OPCML: variants seen among roughly 807,000 people sequenced by gnomAD.
The protein encoded by OPCML is opioid binding protein/cell adhesion molecule like.
OPCML carries 13 observed loss-of-function variants against 37.8 expected under a neutral mutation model. The ratio of observed to expected loss-of-function variants is 0.34; its 90% CI spans 0.22 to 0.55. OPCML has a LOEUF of 0.55. Among genes scored for constraint, OPCML ranks in the 20% least tolerant of loss-of-function variants. OPCML has a pLI of 0.91. For synonymous variants in OPCML, 176 were observed against 168.8 expected, an observed-to-expected ratio of 1.04 and a Z score of -0.33; for missense variants, 341 against 435.6, an observed-to-expected ratio of 0.78 and a Z score of 1.93.
chr11:133,247,072 C>T (rs1940949525), intron 1 of OPCML, among the ~76,000 whole-genome samples: 1 of 152,140 alleles, frequency 6.6e-6, no homozygotes, highest in Admixed American at 6.5e-5. Flanking sequence ...TAAAGTATCC[C>T]TGTCTAGAAA....
chr11:133,241,747 G>A (rs144413612), intron 1 of OPCML, among the ~76,000 whole-genome samples: 2,035 of 152,204 alleles, frequency 0.013, 58 homozygotes, highest in African/African-American at 0.046. Flanking sequence ...ACTCCCCGCC[G>A]CCATCAGGAA....
chr11:133,075,852 A>G (rs973491208), intron 1 of OPCML, among the ~76,000 whole-genome samples: 8 of 152,344 alleles, frequency 5.3e-5, no homozygotes, highest in Non-Finnish European at 7.3e-5. Flanking sequence ...GGAAACAAGA[A>G]GGAATCTGCA....
At chr11:133,454,111 A>G (rs1946629950) in intron 1 of OPCML, among the ~76,000 whole-genome samples, 1 of 152,212 alleles carries the variant, frequency 6.6e-6, no homozygotes, top group African/African-American at 2.4e-5. Flanking sequence ...AATTCATATC[A>G]GAAGGACCAA....
intron 3 of OPCML, among the ~76,000 whole-genome samples, chr11:132,564,179 C>A (rs1483589293): frequency 6.6e-6 from 1 of 152,206 alleles, no homozygotes; most frequent in Non-Finnish European, 1.5e-5. Context: ...GTCACCCTGG[C>A]CATTGTGGCC....
chr11:132,784,960 T>C (rs1323918722), intron 2 of OPCML, among the ~76,000 whole-genome samples: 1 of 152,186 alleles, frequency 6.6e-6, no homozygotes, highest in Non-Finnish European at 1.5e-5. Context: ...AAGTATTTCT[T>C]CATAACAATG....
intron 2 of OPCML, among the ~76,000 whole-genome samples, chr11:132,662,265 C>T (rs1164456392): frequency 6.6e-6 from 1 of 152,162 alleles, no homozygotes; most frequent in Non-Finnish European, 1.5e-5. Flanking sequence ...CTGGGGACTC[C>T]TCCTGGAGAA....
chr11:132,783,273 G>A (rs1403290202), intron 2 of OPCML, among the ~76,000 whole-genome samples: 1 of 152,038 alleles, frequency 6.6e-6, no homozygotes, highest in East Asian at 1.9e-4. Flanking sequence ...GGCCTTATTT[G>A]CCTTCATGAC....
intron 2 of OPCML, among the ~76,000 whole-genome samples, chr11:132,763,094 G>A (rs537163806): frequency 2.4e-4 from 37 of 152,162 alleles, no homozygotes; most frequent in African/African-American, 7.0e-4. Context: ...TGTGCTTCCC[G>A]GGTGAGGCGA....
rs546031889 is a variant in OPCML, at chr11:133,431,809, A to AAT, written c.61+100453_61+100454dup. 8.0e-3 allele frequency among the ~76,000 whole-genome samples: 1,179 copies of AAT among 147,902 alleles called. 17 individuals are homozygous for AAT. The highest frequency in any genetic ancestry group is 0.028 in the African/African-American group (1,125 of 40,814). ...ATATATATATAAAATATTTATATAT[A>AAT]ATATATATAATAAATATACATATAT... On this transcript the variant is annotated intron_variant, in intron 1 of 7. Coordinates refer to ENST00000524381, the MANE Select transcript of OPCML (RefSeq NM_001012393.5).
At chr11:133,107,260 G>GA (rs1275799358) in intron 1 of OPCML, among the ~76,000 whole-genome samples, 1 of 152,204 alleles carries the variant, frequency 6.6e-6, no homozygotes, top group African/African-American at 2.4e-5. Context: ...TATAAGGACT[G>GA]AAGACTTCTG....
chr11:132,797,090 A>G (rs1336911926), intron 2 of OPCML, among the ~76,000 whole-genome samples: 2 of 152,174 alleles, frequency 1.3e-5, no homozygotes, highest in African/African-American at 4.8e-5. Context: ...TGTCCTTTGG[A>G]GCACAAAAGT....
intron 1 of OPCML, among the ~76,000 whole-genome samples, chr11:133,073,780 G>C (rs1948581409): frequency 1.3e-5 from 2 of 152,152 alleles, no homozygotes; most frequent in African/African-American, 4.8e-5. Flanking sequence ...GCAATGAATA[G>C]TTACTATTTA....
intron 1 of OPCML, among the ~76,000 whole-genome samples, chr11:133,219,208 G>T (rs1039408071): frequency 3.9e-5 from 6 of 152,214 alleles, no homozygotes; most frequent in Non-Finnish European, 7.3e-5. Context: ...AGTGCCATAA[G>T]TTAGCCAGTG....
rs73586427 is a variant in OPCML at position 132,954,182 on chromosome 11, T to C, written c.62-11172A>G. 2.9e-3 allele frequency among the ~76,000 whole-genome samples: 440 copies of C among 152,288 alleles called. 2 individuals are homozygous for C. Among genetic ancestry groups the C allele is most frequent in the African/African-American group, 0.01 (425 of 41,560 alleles). On this transcript the variant is annotated intron_variant, in intron 1 of 7. Transcript: ENST00000524381. ...TTGTTTGTTTTGGTGGGAGGACCAA[T>C]GTTCATTGACCATCTAGGCATTTTG... is the stretch of plus-strand genomic sequence containing the variant.
intron 4 of OPCML, among the ~76,000 whole-genome samples, chr11:132,498,412 T>G (rs2096238069): frequency 6.6e-6 from 1 of 152,220 alleles, no homozygotes. Context: ...TATGCATTCA[T>G]TATATTCAAG....
chr11:132,823,600 CA>C (rs1940120378), intron 2 of OPCML, among the ~76,000 whole-genome samples: 1 of 152,046 alleles, frequency 6.6e-6, no homozygotes, highest in Non-Finnish European at 1.5e-5. Flanking sequence ...AACAAACAAA[CA>C]AACAAACAAA....
At chr11:132,518,916 G>A (rs1028506414) in intron 4 of OPCML, among the ~76,000 whole-genome samples, 1 of 152,194 alleles carries the variant, frequency 6.6e-6, no homozygotes, top group Non-Finnish European at 1.5e-5. Context: ...ACAGACGGTA[G>A]GCAGGATTTC....
At chr11:132,878,567 G>C (rs1332666298) in intron 2 of OPCML, among the ~76,000 whole-genome samples, 6 of 152,054 alleles carry the variant, frequency 3.9e-5, no homozygotes, top group Admixed American at 3.9e-4. Context: ...GAACTTCTCG[G>C]CTTCCATAAT....
intron 1 of OPCML, among the ~76,000 whole-genome samples, chr11:133,077,337 C>T (rs909637922): frequency 1.3e-5 from 2 of 151,942 alleles, no homozygotes; most frequent in Non-Finnish European, 2.9e-5. Flanking sequence ...TCATTTTCCC[C>T]GTGGGCTCGG....
Sources: gnomAD v4.1 joint callset for allele counts (sites outside exome capture counted in the v4.1 genomes callset) on GRCh38, gnomAD v4.1.1 for gene constraint, MANE v1.5 for transcripts, NCBI Gene and HGNC (gene_info 2026-07-23, HGNC 2026-07-21) for gene names.